Variants in ENOX2 observed in about 807,000 individuals in gnomAD.
ENOX2 encodes the protein APK1 antigen.
In ENOX2, 36 loss-of-function variants were observed where a neutral mutation model predicts 45.0. The observed-to-expected ratio is 0.80, with a 90% CI of 0.61 to 1.06. The LOEUF is 1.06. Among genes scored for constraint, ENOX2 ranks in the 50% least tolerant of loss-of-function variants. The pLI, the probability that ENOX2 is intolerant of heterozygous loss-of-function variation, is 0.00. For missense variants in ENOX2, 423 were observed against 462.5 expected, an observed-to-expected ratio of 0.91 and a Z score of 0.78; for synonymous variants, 174 against 152.3, an observed-to-expected ratio of 1.14 and a Z score of -1.05.
At position 130,825,520 on chromosome X, in the gene ENOX2, A is replaced by G. The variant is rs1024138386; in HGVS notation, c.-182-41830T>C. ...TGTTTGGTAAATCTGTATGGTGAGTATAACTGTACGGTAGTTCTCCCTTAA... is the reference window on the plus strand; with the variant it reads ...TGTTTGGTAAATCTGTATGGTGAGTGTAACTGTACGGTAGTTCTCCCTTAA... On this transcript the variant is annotated intron_variant, in intron 2 of 14. Coordinates refer to ENST00000394363, the MANE Select transcript of ENOX2 (RefSeq NM_006375.4). Among the ~76,000 whole-genome samples the G allele has an allele frequency of 2.7e-5, 3 of 112,048 alleles. No homozygotes were observed. The Admixed American group carries it at 2.8e-4, about 11-fold the overall frequency.
chrX:130,745,823 A>T (rs2039086401), intron 3 of ENOX2, among the ~76,000 whole-genome samples: 1 of 111,989 alleles, frequency 8.9e-6, no homozygotes, highest in South Asian at 3.8e-4. Context: ...TGCTGTATAG[A>T]TAGTCGTCTT....
intron 3 of ENOX2, among the ~76,000 whole-genome samples, chrX:130,740,388 G>GT (rs997002121): frequency 9.4e-6 from 1 of 105,895 alleles, no homozygotes; most frequent in African/African-American, 3.7e-5. Flanking sequence ...GGGCACCTGA[G>GT]TGAGACTCTG....
chrX:130,745,141 A>G (rs2039072421), intron 3 of ENOX2, among the ~76,000 whole-genome samples: 1 of 111,425 alleles, frequency 9.0e-6, no homozygotes, highest in East Asian at 2.8e-4. Context: ...ACCACATTTA[A>G]TCTTTGCAAT....
chrX:130,827,403 A>G (rs1186405192), intron 2 of ENOX2, among the ~76,000 whole-genome samples: 3 of 111,640 alleles, frequency 2.7e-5, no homozygotes, highest in Non-Finnish European at 5.7e-5. Context: ...CAGCATGAAC[A>G]TTACTTCTGT....
intron 2 of ENOX2, among the ~76,000 whole-genome samples, chrX:130,883,264 C>T (rs2078851092): frequency 9.0e-6 from 1 of 111,108 alleles, no homozygotes; most frequent in African/African-American, 3.3e-5. Flanking sequence ...GAACCCACCA[C>T]CATGCCCGGC....
chrX:130,690,229 G>T (rs2037557836), intron 4 of ENOX2, among the ~76,000 whole-genome samples: 1 of 111,551 alleles, frequency 9.0e-6, no homozygotes, highest in Non-Finnish European at 1.9e-5. Flanking sequence ...AATACAAGGA[G>T]GAGCTGCTCT....
intron 13 of ENOX2, 72 bp downstream of exon 13, chrX:130,631,396 C>G (rs1317225491): frequency 1.4e-5 from 8 of 589,299 alleles, no homozygotes; most frequent in South Asian, 1.0e-4. Flanking sequence ...GCTTATTAAT[C>G]TTAGGTAAAG....
intron 6 of ENOX2, among the ~76,000 whole-genome samples, chrX:130,673,256 C>A (rs1196155949): frequency 9.0e-6 from 1 of 110,814 alleles, no homozygotes; most frequent in Non-Finnish European, 1.9e-5. Flanking sequence ...AGCTTCCCCA[C>A]GTGAAAAGGA....
At chrX:130,878,342 AT>A (rs1422932514) in intron 2 of ENOX2, among the ~76,000 whole-genome samples, 8 of 111,267 alleles carry the variant, frequency 7.2e-5, no homozygotes, top group Admixed American at 5.7e-4. Context: ...TTCTCAGACC[AT>A]TTCTTTCCCT....
chrX:130,649,121 G>A (rs948109764), intron 10 of ENOX2, among the ~76,000 whole-genome samples: 3 of 91,083 alleles, frequency 3.3e-5, no homozygotes, highest in Non-Finnish European at 2.1e-5. Context: ...CTCACCATAT[G>A]ATCTCTGCCT....
intron 10 of ENOX2, among the ~76,000 whole-genome samples, chrX:130,646,602 C>T (rs754591310): frequency 8.9e-6 from 1 of 112,227 alleles, no homozygotes; most frequent in South Asian, 3.8e-4. Flanking sequence ...GCAGTGTTGG[C>T]GTTCTTGCAT....
At chrX:130,695,035 A>C (rs1011179986) in intron 4 of ENOX2, among the ~76,000 whole-genome samples, 1 of 111,989 alleles carries the variant, frequency 8.9e-6, no homozygotes, top group Non-Finnish European at 1.9e-5. Flanking sequence ...AAGAGATAAC[A>C]CAGTAAGGAT....
intron 3 of ENOX2, among the ~76,000 whole-genome samples, chrX:130,777,493 CA>C (rs1206232015): frequency 0.042 from 3,263 of 78,328 alleles, 65 homozygotes; most frequent in South Asian, 0.055. Flanking sequence ...CTCTCTCTCT[CA>C]AAAAAAAAAA....
chrX:130,650,683 C>T (rs1217972656), intron 10 of ENOX2, among the ~76,000 whole-genome samples: 1 of 111,983 alleles, frequency 8.9e-6, no homozygotes, highest in Non-Finnish European at 1.9e-5. Flanking sequence ...TCCTTTTTGG[C>T]TATTTCCTAT....
intron 6 of ENOX2, among the ~76,000 whole-genome samples, chrX:130,674,234 T>C: frequency 9.1e-6 from 1 of 110,117 alleles, no homozygotes; most frequent in Non-Finnish European, 1.9e-5. Flanking sequence ...AGCCCAAAGC[T>C]CACTATTACA....
intron 2 of ENOX2, among the ~76,000 whole-genome samples, chrX:130,882,333 GAAA>G (rs148363895): frequency 2.5e-5 from 2 of 79,739 alleles, no homozygotes; most frequent in African/African-American, 4.4e-5. Context: ...TGTCTATTTG[GAAA>G]AAAAAAAAAA....
intron 2 of ENOX2, among the ~76,000 whole-genome samples, chrX:130,860,018 C>T (rs908375519): frequency 5.9e-4 from 64 of 109,358 alleles, no homozygotes; most frequent in Non-Finnish European, 7.8e-4. Flanking sequence ...TGCAGTGGCA[C>T]GATCTCGGCT....
chrX:130,881,119 C>G (rs190345397), intron 2 of ENOX2, among the ~76,000 whole-genome samples: 2 of 111,868 alleles, frequency 1.8e-5, no homozygotes, highest in South Asian at 3.7e-4. Flanking sequence ...TTTAATTAAA[C>G]TTAATAAAAC....
chrX:130,757,951 A>C (rs1603340918), intron 3 of ENOX2, among the ~76,000 whole-genome samples: 1 of 111,539 alleles, frequency 9.0e-6, no homozygotes, highest in African/African-American at 3.3e-5. Context: ...ATGTTGCCCA[A>C]GCTGGTCTCA....
Sources: gnomAD v4.1 joint callset for allele counts (sites outside exome capture counted in the v4.1 genomes callset) on GRCh38, gnomAD v4.1.1 for gene constraint, MANE v1.5 for transcripts, NCBI Gene and HGNC (gene_info 2026-07-23, HGNC 2026-07-21) for gene names.